Variants in SKAP1 observed in about 807,000 individuals in gnomAD.
SKAP1 encodes src kinase associated phosphoprotein 1.
A neutral mutation model predicts 58.5 loss-of-function variants in SKAP1; 44 were observed. The ratio of observed to expected loss-of-function variants is 0.75; its 90% CI spans 0.59 to 0.97. SKAP1 has a LOEUF of 0.97. Among genes scored for constraint, SKAP1 ranks in the 50% least tolerant of loss-of-function variants. The pLI is 0.00. For synonymous variants in SKAP1, 127 were observed against 149.7 expected (o/e 0.85, Z 1.11); for missense variants, 390 against 435.2 (o/e 0.90, Z 0.92).
chr17:48,439,736 G>A, the SKAP1 span, among the ~76,000 whole-genome samples: 8 of 152,126 alleles, frequency 5.3e-5, no homozygotes, highest in Non-Finnish European at 1.2e-4. Context: ...AGGCAAAGGG[G>A]GCTTCCCCAG....
At chr17:48,437,338 C>A in the SKAP1 span, among the ~76,000 whole-genome samples, 2 of 152,200 alleles carry the variant, frequency 1.3e-5, no homozygotes, top group Non-Finnish European at 2.9e-5. Context: ...GGGCAAAGCT[C>A]CATGAGCCTC....
At chr17:48,391,958 TG>T (rs1370627405) in intron 2 of SKAP1, among the ~76,000 whole-genome samples, 3 of 152,086 alleles carry the variant, frequency 2.0e-5, no homozygotes, top group African/African-American at 7.2e-5. Context: ...GAATGTGTTT[TG>T]TTTTGGGGAT....
chr17:48,135,427 A>G (rs1024858497), intron 12 of SKAP1, among the ~76,000 whole-genome samples: 2 of 152,024 alleles, frequency 1.3e-5, no homozygotes, highest in African/African-American at 4.8e-5. Flanking sequence ...CCAGGCACCC[A>G]CCCCCACTAT....
At chr17:48,424,221 CT>C (rs71366876) in intron 1 of SKAP1, among the ~76,000 whole-genome samples, 17,511 of 106,296 alleles carry the variant, frequency 0.16, 1,056 homozygotes, top group African/African-American at 0.18. Context: ...TCTGGGACCT[CT>C]TTTTTTTTTT....
At position 48,184,837 on chromosome 17, in the gene SKAP1, G is replaced by T; in HGVS notation, c.453C>A (p.Pro151=). Residue 151 remains proline (P), a synonymous_variant, in exon 7 of 13, where the codon CCC becomes CCA. Transcript: ENST00000336915. Reference sequence around the variant, plus strand: ...AGCCCTTAATGAGGAAGGTCCCTTTGGGCTGCTTGCCTGCAAGACAGGAAA... The same window carrying T: ...AGCCCTTAATGAGGAAGGTCCCTTTTGGCTGCTTGCCTGCAAGACAGGAAA... ...YYYANEKSKQ[P]KGTFLIKGYG... 1 of 1,613,366 alleles carries T rather than the reference G, an allele frequency of 6.2e-7. No homozygotes were observed. The highest frequency in any genetic ancestry group is 1.3e-5 in the African/African-American group (1 of 75,010).
chr17:48,231,145 C>T (rs1015336375), intron 4 of SKAP1, among the ~76,000 whole-genome samples: 10 of 152,146 alleles, frequency 6.6e-5, no homozygotes, highest in African/African-American at 2.4e-4. Context: ...GCTGCATTTG[C>T]ATCACCTGGG....
chr17:48,308,077 T>C (rs1005498507), intron 4 of SKAP1: 1 of 152,328 alleles, frequency 6.6e-6, no homozygotes, highest in Non-Finnish European at 1.5e-5. Flanking sequence ...GGACTACAAT[T>C]CAGAGCTAAT....
At chr17:48,259,019 T>C (rs939187653) in intron 4 of SKAP1, among the ~76,000 whole-genome samples, 13 of 152,134 alleles carry the variant, frequency 8.5e-5, no homozygotes, top group African/African-American at 3.1e-4. Flanking sequence ...TCTAGTTATA[T>C]TGTATGAAAA....
intron 4 of SKAP1, among the ~76,000 whole-genome samples, chr17:48,325,512 G>A (rs564805854): frequency 6.8e-4 from 103 of 152,228 alleles, no homozygotes; most frequent in Admixed American, 1.6e-3. Flanking sequence ...CCAGTGCCTG[G>A]CTATGTCTGA....
At chr17:48,200,577 C>T (rs1398122302) in intron 4 of SKAP1, among the ~76,000 whole-genome samples, 1 of 152,058 alleles carries the variant, frequency 6.6e-6, no homozygotes, top group Non-Finnish European at 1.5e-5. Context: ...GGGGTTTCAC[C>T]ATGTTGATCA....
At chr17:48,346,461 T>A (rs2066724798) in intron 3 of SKAP1, among the ~76,000 whole-genome samples, 1 of 151,822 alleles carries the variant, frequency 6.6e-6, no homozygotes, top group South Asian at 2.1e-4. Context: ...CTCTCTCCAC[T>A]AAAAATACAA....
At chr17:48,170,867 C>A (rs1009956799) in intron 9 of SKAP1, among the ~76,000 whole-genome samples, 2 of 151,966 alleles carry the variant, frequency 1.3e-5, no homozygotes, top group Non-Finnish European at 2.9e-5. Context: ...CCCACCACCA[C>A]GCCTAATTTT....
intron 4 of SKAP1, among the ~76,000 whole-genome samples, chr17:48,249,676 C>A (rs1224966781): frequency 6.6e-6 from 1 of 151,238 alleles, no homozygotes; most frequent in South Asian, 2.1e-4. Context: ...AAAAAAAAAA[C>A]AAAACCCGGA....
chr17:48,424,206 A>G (rs1157317788), intron 1 of SKAP1, among the ~76,000 whole-genome samples: 1 of 146,934 alleles, frequency 6.8e-6, no homozygotes, highest in Non-Finnish European at 1.5e-5. Context: ...GGAGTAAGGC[A>G]GTTTTCTGGG....
Position 48,417,242 on chromosome 17 carries a change from G to A in SKAP1, c.46+12833C>T, listed in dbSNP as rs146913643. ...GTGTTTGCCCCATGACCTAAGAAATGTGCAGTGTTTGTATTTTTAATTTTC... is the reference window on the plus strand; with the variant it reads ...GTGTTTGCCCCATGACCTAAGAAATATGCAGTGTTTGTATTTTTAATTTTC... On this transcript the variant is annotated intron_variant, in intron 1 of 12. Transcript: ENST00000336915. Among the ~76,000 whole-genome samples, 6 of 152,246 alleles carry A rather than the reference G, an allele frequency of 3.9e-5. No homozygotes were observed. The East Asian group carries it at 1.2e-3, about 29-fold the overall frequency.
upstream of SKAP1, among the ~76,000 whole-genome samples, chr17:48,432,543 C>T (rs1032141585): frequency 2.0e-5 from 3 of 152,148 alleles, no homozygotes; most frequent in Non-Finnish European, 2.9e-5. Context: ...CACCACTTCA[C>T]CTATAAAATT....
rs142903670 is a variant in SKAP1, at chr17:48,418,271, C to T, written c.46+11804G>A. ...TGCCACTGCGCTCCAGCCTGGACAA[C>T]AGAATGAGAACTTGTCTCTAAAAAA... On this transcript the variant is annotated intron_variant, in intron 1 of 12. Coordinates refer to ENST00000336915, the MANE Select transcript of SKAP1 (RefSeq NM_003726.4). Among the ~76,000 whole-genome samples, 4 of 152,304 alleles carry T rather than the reference C, an allele frequency of 2.6e-5. No individual in the cohort carries two copies. The East Asian group carries it at 5.8e-4, about 22-fold the overall frequency.
intron 9 of SKAP1, among the ~76,000 whole-genome samples, chr17:48,172,906 T>A (rs1028395583): frequency 6.6e-6 from 1 of 152,204 alleles, no homozygotes; most frequent in African/African-American, 2.4e-5. Context: ...CCAGGTGTGG[T>A]GGCTCATGCC....
intron 11 of SKAP1, among the ~76,000 whole-genome samples, chr17:48,146,904 C>T (rs1043818269): frequency 2.6e-5 from 4 of 152,178 alleles, no homozygotes; most frequent in African/African-American, 9.7e-5. Flanking sequence ...GCTGGGATTA[C>T]AGGCGTGAGC....
Sources: allele counts gnomAD v4.1 joint callset (sites outside exome capture counted in the v4.1 genomes callset), GRCh38; gene constraint gnomAD v4.1.1; transcripts MANE v1.5; gene names NCBI Gene and HGNC (gene_info 2026-07-23, HGNC 2026-07-21).